Variants in SH3PXD2A observed in about 807,000 individuals in gnomAD.
SH3PXD2A encodes SH3 and PX domain-containing protein 2A.
SH3PXD2A carries 32 observed loss-of-function variants against 115.2 expected under a neutral mutation model. The ratio of observed to expected loss-of-function variants is 0.28; its 90% CI spans 0.21 to 0.37. The LOEUF (loss-of-function observed/expected upper bound fraction) is 0.37. SH3PXD2A is among the 10% of genes least tolerant of loss of function. The pLI is 1.00. For synonymous variants in SH3PXD2A, 610 were observed against 629.1 expected (o/e 0.97, Z 0.45); for missense variants, 1,328 against 1,498.7 (o/e 0.89, Z 1.88).
Position 103,603,128 on chromosome 10 carries a change from T to G in SH3PXD2A, c.2090A>C (p.Asn697Thr). ...SASFSSSITI[N>T]TTCCSSSSSS... is the part of the protein sequence containing the mutation. ...GGAAGAGGAGGAGCAGCAAGTGGTGTTGATGGTGATGGATGAGGAAAAGGA... is the reference window on the plus strand; with the variant it reads ...GGAAGAGGAGGAGCAGCAAGTGGTGGTGATGGTGATGGATGAGGAAAAGGA... Residue 697 changes from asparagine to threonine, a missense_variant, in exon 15 of 15, where the codon AAC (asparagine) becomes ACC (threonine). Physicochemically the swap from Asn to Thr is moderately conservative, Grantham distance 65. Transcript: ENST00000369774. The G allele has an allele frequency of 5.6e-6, 9 of 1,613,236 alleles. No individual in the cohort carries two copies. The highest frequency in any genetic ancestry group is 7.6e-6 in the Non-Finnish European group (9 of 1,179,904).
intron 5 of SH3PXD2A, among the ~76,000 whole-genome samples, chr10:103,719,754 T>C (rs1406211296): frequency 7.1e-6 from 1 of 140,782 alleles, no homozygotes; most frequent in Non-Finnish European, 1.5e-5. Context: ...GGAGTCTTGC[T>C]CTGTCACCCA....
chr10:103,647,207 T>A (rs2037049206), intron 8 of SH3PXD2A, among the ~76,000 whole-genome samples: 1 of 152,194 alleles, frequency 6.6e-6, no homozygotes. Context: ...TATCATGGCA[T>A]CAGCTCCAGC....
chr10:103,693,361 G>T (rs1179405612), intron 5 of SH3PXD2A: 1 of 151,636 alleles, frequency 6.6e-6, no homozygotes, highest in Non-Finnish European at 1.5e-5. Context: ...GGGGAAGGGC[G>T]AGGCAGGTTC....
intron 7 of SH3PXD2A, chr10:103,661,832 G>A (rs1185515079): frequency 2.0e-6 from 2 of 985,174 alleles, no homozygotes; most frequent in Non-Finnish European, 2.4e-6. Context: ...GGCAGGGGAG[G>A]GGGAGGAGGC....
Position 103,660,984 on chromosome 10 carries a change from G to A in SH3PXD2A, c.603C>T (p.Ser201=), listed in dbSNP as rs745358414. Residue 201 remains serine, a splice_region_variant and synonymous_variant, in exon 8 of 15, where the codon AGC becomes AGT. Transcript: ENST00000369774. ...EVVDVIEKNE[S]GWWFVSTSEE... is the part of the protein sequence containing the mutation. ...ACGGCCATTGGCCAGGGCACTCACC[G>A]CTCTCGTTCTTCTCGATGACATCCA... 2 of 1,613,734 alleles carry A rather than the reference G, an allele frequency of 1.2e-6. No homozygotes were observed. The highest frequency in any genetic ancestry group is 1.7e-5 in the Admixed American group (1 of 60,012).
Position 103,603,286 on chromosome 10 carries a change from G to A in SH3PXD2A, c.1932C>T (p.Ser644=). 1 of 1,614,040 alleles carries A rather than the reference G, an allele frequency of 6.2e-7. No homozygotes were observed. The highest frequency in any genetic ancestry group is 8.5e-7 in the Non-Finnish European group (1 of 1,179,974). ...SARGSSGDSD[S]PGSSSLSLTR... ...TCAGGGACAGCGAGGAGCTGCCTGGGGAGTCGCTGTCCCCGGAGGAGCCTC... is the reference window on the plus strand; with the variant it reads ...TCAGGGACAGCGAGGAGCTGCCTGGAGAGTCGCTGTCCCCGGAGGAGCCTC... The change falls in exon 15 of 15, where the codon TCC becomes TCT. Residue 644 remains serine (S), a synonymous_variant. Transcript: ENST00000369774.
intron 11 of SH3PXD2A, 76 bp downstream of exon 11, chr10:103,617,121 G>T: frequency 1.0e-6 from 1 of 975,576 alleles, no homozygotes; most frequent in Non-Finnish European, 1.6e-6. Context: ...CCATCAGGTG[G>T]CCATGGCCAC....
rs575495966 is a variant in SH3PXD2A, at chr10:103,780,458, C to T, written c.154-13289G>A. Among the ~76,000 whole-genome samples, 3 of 152,332 alleles carry T rather than the reference C, an allele frequency of 2.0e-5. No homozygotes were observed. In the East Asian group the frequency reaches 5.8e-4, roughly 29 times the overall value. ...TCAAGCGGGCAGAGTTCAGCTCCTC[C>T]CTGTAGCCTTGCCTGGTTAATATGG... On this transcript the variant is annotated intron_variant, in intron 2 of 14. Transcript: ENST00000369774.
At chr10:103,757,221 C>A (rs1169042366) in intron 3 of SH3PXD2A, among the ~76,000 whole-genome samples, 1 of 152,164 alleles carries the variant, frequency 6.6e-6, no homozygotes, top group Non-Finnish European at 1.5e-5. Flanking sequence ...GCCCTGAAAT[C>A]ATGCCTGTCA....
intron 1 of SH3PXD2A, among the ~76,000 whole-genome samples, chr10:103,854,541 G>A (rs944334492): frequency 6.6e-6 from 1 of 152,174 alleles, no homozygotes; most frequent in Non-Finnish European, 1.5e-5. Flanking sequence ...CTCGTGTCTG[G>A]AGATGGAGCA....
intron 5 of SH3PXD2A, among the ~76,000 whole-genome samples, chr10:103,712,809 C>T (rs1258039803): frequency 6.6e-6 from 1 of 152,200 alleles, no homozygotes; most frequent in African/African-American, 2.4e-5. Context: ...CTAGTTGCCC[C>T]AGCCAAGGGT....
chr10:103,846,721 T>TG (rs1182615586), intron 1 of SH3PXD2A, among the ~76,000 whole-genome samples: 1 of 152,212 alleles, frequency 6.6e-6, no homozygotes, highest in Non-Finnish European at 1.5e-5. Flanking sequence ...AGGTGACATG[T>TG]GGAAGATCTC....
chr10:103,743,208 G>A (rs759773411), intron 3 of SH3PXD2A, among the ~76,000 whole-genome samples: 3 of 152,004 alleles, frequency 2.0e-5, no homozygotes, highest in Non-Finnish European at 4.4e-5. Context: ...GGCAGGGGAG[G>A]GCAGAGAGAA....
rs1170237835 is a variant in SH3PXD2A at position 103,728,885 on chromosome 10, G to GTTTT, written c.307-4525_307-4524insAAAA. Among the ~76,000 whole-genome samples the GTTTT allele has an allele frequency of 8.1e-3, 803 of 99,082 alleles. 12 individuals carry two copies. The highest frequency in any genetic ancestry group is 0.025 in the Middle Eastern group (6 of 244). 65.0% of individuals were successfully genotyped at this position (99,082 alleles called of 152,430 possible). A position where few individuals can be genotyped will look rare whatever the true frequency, so the allele number is the denominator to read the frequency against. ...TAAGTAGCAAAGAGTTGTTTTTTTTGTTTGTTTGTTTGTTTTTTTTTTTTT... is the reference window on the plus strand; with the variant it reads ...TAAGTAGCAAAGAGTTGTTTTTTTTGTTTTTTTGTTTGTTTGTTTTTTTTTTTTT... On this transcript the variant is annotated intron_variant, in intron 4 of 14. Coordinates refer to ENST00000369774, the MANE Select transcript of SH3PXD2A (RefSeq NM_001394015.1).
At chr10:103,722,932 T>C (rs575077515) in intron 5 of SH3PXD2A, among the ~76,000 whole-genome samples, 1 of 152,342 alleles carries the variant, frequency 6.6e-6, no homozygotes, top group African/African-American at 2.4e-5. Flanking sequence ...GAGCTGCTTT[T>C]TCCTCCCTCG....
chr10:103,736,603 C>A (rs1305665644), intron 3 of SH3PXD2A, among the ~76,000 whole-genome samples: 1 of 152,268 alleles, frequency 6.6e-6, no homozygotes, highest in Admixed American at 6.5e-5. Context: ...TGTCTAGGGC[C>A]AAAGCCCCCT....
At chr10:103,693,100 G>GC in intron 5 of SH3PXD2A, 44 bp from the exon 6 acceptor site, 2 of 1,593,578 alleles carry the variant, frequency 1.3e-6, no homozygotes, top group South Asian at 2.2e-5. Flanking sequence ...AGGGCCGGGC[G>GC]CGAGCGCGGG....
intron 4 of SH3PXD2A, among the ~76,000 whole-genome samples, chr10:103,729,344 AG>A (rs2038286239): frequency 6.6e-6 from 1 of 152,256 alleles, no homozygotes; most frequent in Admixed American, 6.5e-5. Flanking sequence ...AACACAGCTG[AG>A]GCAAATCCAG....
At chr10:103,647,066 T>C (rs1490376983) in intron 8 of SH3PXD2A, among the ~76,000 whole-genome samples, 1 of 151,958 alleles carries the variant, frequency 6.6e-6, no homozygotes, top group East Asian at 1.9e-4. Flanking sequence ...GGTGGGGGGA[T>C]GGAGGTAGGG....
Sources: gnomAD v4.1 joint callset for allele counts (sites outside exome capture counted in the v4.1 genomes callset) on GRCh38, gnomAD v4.1.1 for gene constraint, MANE v1.5 for transcripts, NCBI Gene and HGNC (gene_info 2026-07-23, HGNC 2026-07-21) for gene names.